Variants in FHIT observed in about 807,000 individuals in gnomAD.
The protein encoded by FHIT is bis(5'-adenosyl)-triphosphatase.
In FHIT, 19 loss-of-function variants were observed where a neutral mutation model predicts 17.9. The ratio of observed to expected loss-of-function variants is 1.06; its 90% CI spans 0.74 to 1.56. FHIT has a LOEUF of 1.56. Among genes scored for constraint, FHIT ranks in the 40% most tolerant of loss-of-function variants. The probability of loss-of-function intolerance (pLI) is 0.00; values close to 1 mark genes in which losing one functional copy is unlikely to be tolerated. For synonymous variants in FHIT, 81 were observed against 69.7 expected, an observed-to-expected ratio of 1.16 and a Z score of -0.81; for missense variants, 248 against 189.2, an observed-to-expected ratio of 1.31 and a Z score of -1.82.
At chr3:60,308,980 A>C (rs1708813422) in intron 5 of FHIT, among the ~76,000 whole-genome samples, 1 of 152,166 alleles carries the variant, frequency 6.6e-6, no homozygotes, top group African/African-American at 2.4e-5. Flanking sequence ...TCACACACCC[A>C]GTACGAAAAT....
chr3:60,382,959 T>C (rs549016619), intron 5 of FHIT, among the ~76,000 whole-genome samples: 1 of 152,306 alleles, frequency 6.6e-6, no homozygotes, highest in South Asian at 2.1e-4. Context: ...CACGACTAGC[T>C]TGTCAAATCA....
chr3:60,154,323 T>C (rs757922579), intron 5 of FHIT, among the ~76,000 whole-genome samples: 3 of 152,210 alleles, frequency 2.0e-5, no homozygotes, highest in Non-Finnish European at 2.9e-5. Flanking sequence ...AGTAGGTGGC[T>C]GATGAACAGG....
chr3:60,667,759 C>T (rs1014514099), intron 4 of FHIT, among the ~76,000 whole-genome samples: 4 of 152,042 alleles, frequency 2.6e-5, no homozygotes, highest in Admixed American at 2.0e-4. Flanking sequence ...AGTCAGTAAC[C>T]CTGTTAAATT....
intron 5 of FHIT, among the ~76,000 whole-genome samples, chr3:60,359,394 C>A (rs988444557): frequency 6.7e-6 from 1 of 149,760 alleles, no homozygotes; most frequent in Non-Finnish European, 1.5e-5. Flanking sequence ...GATTCTCCTG[C>A]CTCAGCCTCC....
intron 5 of FHIT, among the ~76,000 whole-genome samples, chr3:60,475,818 T>C (rs2033317929): frequency 6.6e-6 from 1 of 152,150 alleles, no homozygotes. Flanking sequence ...TGATGGGTCA[T>C]AATCAAAATG....
chr3:60,551,448 G>A (rs538134560), intron 4 of FHIT, among the ~76,000 whole-genome samples: 3 of 64,578 alleles, frequency 4.6e-5, no homozygotes, highest in South Asian at 1.4e-3. Context: ...TAGTGAGAAA[G>A]AAAGAAAGAA....
intron 5 of FHIT, among the ~76,000 whole-genome samples, chr3:60,410,208 A>G (rs940079770): frequency 3.9e-5 from 6 of 152,218 alleles, no homozygotes; most frequent in African/African-American, 1.4e-4. Flanking sequence ...TGCCAAAGCT[A>G]GGTGAGGTAT....
At chr3:60,747,055 C>A (rs2042371796) in intron 4 of FHIT, among the ~76,000 whole-genome samples, 1 of 151,956 alleles carries the variant, frequency 6.6e-6, no homozygotes, top group African/African-American at 2.4e-5. Flanking sequence ...CCTTAGTTTA[C>A]CTTACTGGTT....
intron 4 of FHIT, among the ~76,000 whole-genome samples, chr3:60,810,650 C>A (rs1701544611): frequency 6.6e-6 from 1 of 152,134 alleles, no homozygotes; most frequent in Non-Finnish European, 1.5e-5. Context: ...CCCCAGGCAA[C>A]CTTAACTCTC....
chr3:60,836,004 T>C (rs1435041053), intron 3 of FHIT, among the ~76,000 whole-genome samples: 1 of 152,192 alleles, frequency 6.6e-6, no homozygotes, highest in Non-Finnish European at 1.5e-5. Flanking sequence ...CATCAGCAAA[T>C]ATTAACAGTT....
At chr3:60,947,584 G>A (rs1708694180) in intron 3 of FHIT, among the ~76,000 whole-genome samples, 2 of 152,192 alleles carry the variant, frequency 1.3e-5, no homozygotes, top group Non-Finnish European at 2.9e-5. Flanking sequence ...GCATTCACAA[G>A]TCTACAATTT....
intron 5 of FHIT, among the ~76,000 whole-genome samples, chr3:60,421,831 G>A (rs974190098): frequency 2.6e-5 from 4 of 152,042 alleles, no homozygotes; most frequent in African/African-American, 7.2e-5. Flanking sequence ...AGCTTTTGTT[G>A]TATAGAATGT....
chr3:59,759,191 T>TGAGA (rs1486004817), intron 8 of FHIT, among the ~76,000 whole-genome samples: 2 of 150,690 alleles, frequency 1.3e-5, no homozygotes, highest in African/African-American at 4.9e-5. Context: ...GCTGGAAGAG[T>TGAGA]GAGAGAGAGG....
At chr3:61,176,408 A>C (rs180719724) in intron 2 of FHIT, among the ~76,000 whole-genome samples, 1 of 152,366 alleles carries the variant, frequency 6.6e-6, no homozygotes, top group Non-Finnish European at 1.5e-5. Flanking sequence ...CACCTCAAGA[A>C]ATACAGCTTT....
chr3:59,852,714 A>C (rs796672561), intron 8 of FHIT, among the ~76,000 whole-genome samples: 1 of 152,132 alleles, frequency 6.6e-6, no homozygotes, highest in Non-Finnish European at 1.5e-5. Flanking sequence ...GCAACCACTG[A>C]TCTTTTTATT....
At chr3:59,810,070 A>C (rs1364097944) in intron 8 of FHIT, among the ~76,000 whole-genome samples, 1 of 152,128 alleles carries the variant, frequency 6.6e-6, no homozygotes, top group Non-Finnish European at 1.5e-5. Flanking sequence ...CAGCAAGCAG[A>C]TGCTGGTCTG....
At chr3:60,701,845 T>C (rs1237002160) in intron 4 of FHIT, among the ~76,000 whole-genome samples, 1 of 152,206 alleles carries the variant, frequency 6.6e-6, no homozygotes, top group Non-Finnish European at 1.5e-5. Context: ...TTATCATCTT[T>C]TTTCAAAGTT....
intron 5 of FHIT, among the ~76,000 whole-genome samples, chr3:60,162,742 A>C (rs572756525): frequency 6.6e-6 from 1 of 152,206 alleles, no homozygotes; most frequent in Non-Finnish European, 1.5e-5. Flanking sequence ...TTCAGAGCCA[A>C]CATTTTTTAG....
chr3:60,500,615 CA>C lies in FHIT; in HGVS notation c.103+36244del, dbSNP rs141036805. 2.7e-5 allele frequency among the ~76,000 whole-genome samples: 4 copies of C among 150,304 alleles called. 1 individual carries two copies. Among genetic ancestry groups the C allele is most frequent in the African/African-American group, 7.3e-5 (3 of 40,884 alleles). ...TAAAACCCCATCTCTACTAAAAATACAAAAAAAATTAGTAGGGTGTGGTGGT... is the reference window on the plus strand; with the variant it reads ...TAAAACCCCATCTCTACTAAAAATACAAAAAAATTAGTAGGGTGTGGTGGT... On this transcript the variant is annotated intron_variant, in intron 5 of 9. Transcript: ENST00000492590.
Sources: allele counts gnomAD v4.1 joint callset (sites outside exome capture counted in the v4.1 genomes callset), GRCh38; gene constraint gnomAD v4.1.1; transcripts MANE v1.5; gene names NCBI Gene and HGNC (gene_info 2026-07-23, HGNC 2026-07-21).